The following LRMDA variants were observed in gnomAD, a reference collection of about 807,000 sequenced individuals.
LRMDA encodes leucine-rich melanocyte differentiation-associated protein.
Under a neutral mutation model 29.8 loss-of-function variants are expected in LRMDA, and 18 were observed. That is an observed-to-expected ratio of 0.60 (90% CI 0.42 to 0.90). LRMDA has a LOEUF of 0.90. Ranked by LOEUF, LRMDA falls within the 40% of genes least tolerant of loss-of-function variation. The pLI, the probability that LRMDA is intolerant of heterozygous loss-of-function variation, is 0.00. For missense variants in LRMDA, 273 were observed against 273.9 expected, an observed-to-expected ratio of 1.00 and a Z score of 0.02; for synonymous variants, 125 against 109.4, an observed-to-expected ratio of 1.14 and a Z score of -0.89.
At chr10:76,487,405 G>A (rs1483333968) in intron 6 of LRMDA, among the ~76,000 whole-genome samples, 1 of 151,800 alleles carries the variant, frequency 6.6e-6, no homozygotes, top group Non-Finnish European at 1.5e-5. Flanking sequence ...GAGGTAAGGA[G>A]GACACCTGGG....
rs117882171 is a variant in LRMDA at position 75,746,729 on chromosome 10, G to C, written c.132-289279G>C. Among the ~76,000 whole-genome samples the C allele has an allele frequency of 5.6e-3, 859 of 152,080 alleles. 4 individuals are homozygous for C. The highest frequency in any genetic ancestry group is 9.4e-3 in the Non-Finnish European group (642 of 67,994). On this transcript the variant is annotated intron_variant, in intron 2 of 6. Coordinates refer to ENST00000611255, the MANE Select transcript of LRMDA (RefSeq NM_001305581.2). ...GCGTGGGTAGAGAGTGCTATTTTTG[G>C]GGGGGGAGCTTATATTTTGACATGG...
chr10:75,926,561 AG>A (rs1846123484), intron 2 of LRMDA, among the ~76,000 whole-genome samples: 1 of 152,172 alleles, frequency 6.6e-6, no homozygotes, highest in Non-Finnish European at 1.5e-5. Context: ...GATTTTATGC[AG>A]TATACTATGA....
intron 6 of LRMDA, among the ~76,000 whole-genome samples, chr10:76,420,174 A>T: frequency 6.6e-6 from 1 of 151,978 alleles, no homozygotes; most frequent in East Asian, 1.9e-4. Flanking sequence ...ATTCATGGCT[A>T]AACTGTCTAG....
chr10:76,212,725 C>T (rs1851658560), intron 5 of LRMDA, among the ~76,000 whole-genome samples: 1 of 152,220 alleles, frequency 6.6e-6, no homozygotes. Flanking sequence ...CTGTGTACTA[C>T]ATTGTGGGGA....
At chr10:76,293,798 A>T (rs1840379322) in intron 5 of LRMDA, among the ~76,000 whole-genome samples, 1 of 152,320 alleles carries the variant, frequency 6.6e-6, no homozygotes, top group African/African-American at 2.4e-5. Flanking sequence ...ACCACCATCT[A>T]TTCCTCCCAT....
chr10:75,530,183 G>A (rs1198840227), intron 2 of LRMDA, among the ~76,000 whole-genome samples: 1 of 151,764 alleles, frequency 6.6e-6, no homozygotes, highest in Non-Finnish European at 1.5e-5. Flanking sequence ...AAAACCTTGA[G>A]AGAAACATGC....
At chr10:75,831,755 T>C (rs1204795924) in intron 2 of LRMDA, among the ~76,000 whole-genome samples, 1 of 152,164 alleles carries the variant, frequency 6.6e-6, no homozygotes, top group East Asian at 1.9e-4. Context: ...TCTTCTGAAA[T>C]CTAGGTGGAG....
chr10:75,773,371 TAAAG>T (rs2132236665), intron 2 of LRMDA, among the ~76,000 whole-genome samples: 1 of 152,232 alleles, frequency 6.6e-6, no homozygotes, highest in African/African-American at 2.4e-5. Flanking sequence ...GATGGGTTCT[TAAAG>T]AAAGCACAGC....
intron 6 of LRMDA, among the ~76,000 whole-genome samples, chr10:76,519,331 G>A (rs537703683): frequency 6.6e-6 from 1 of 152,094 alleles, no homozygotes; most frequent in Non-Finnish European, 1.5e-5. Flanking sequence ...CAAGGAACAA[G>A]GAGTTGAATG....
intron 2 of LRMDA, among the ~76,000 whole-genome samples, chr10:75,467,586 G>C (rs905566080): frequency 1.3e-5 from 2 of 152,148 alleles, no homozygotes; most frequent in Non-Finnish European, 2.9e-5. Flanking sequence ...TCCCCAACAA[G>C]TATCTAAAGT....
chr10:76,551,647 G>A (rs997372730), intron 6 of LRMDA, among the ~76,000 whole-genome samples: 2 of 152,118 alleles, frequency 1.3e-5, no homozygotes, highest in Non-Finnish European at 2.9e-5. Flanking sequence ...TAGGTTTATT[G>A]GGATGTAGCT....
intron 5 of LRMDA, among the ~76,000 whole-genome samples, chr10:76,107,777 T>C (rs1383694021): frequency 6.6e-6 from 1 of 152,194 alleles, no homozygotes; most frequent in African/African-American, 2.4e-5. Flanking sequence ...TTTGTGAAAC[T>C]TTAAGTTCTG....
intron 2 of LRMDA, among the ~76,000 whole-genome samples, chr10:75,551,442 A>G (rs1045282504): frequency 6.6e-6 from 1 of 152,018 alleles, no homozygotes; most frequent in Non-Finnish European, 1.5e-5. Flanking sequence ...TCATTAACCC[A>G]TCATCTACAT....
rs559837695 is a variant in LRMDA, at chr10:76,528,501, G to A, written c.602-28708G>A. Among the ~76,000 whole-genome samples the A allele has an allele frequency of 2.0e-5, 3 of 152,100 alleles. No individual in the cohort carries two copies. The South Asian group carries it at 6.2e-4, about 32-fold the overall frequency. On this transcript the variant is annotated intron_variant, in intron 6 of 6. Transcript: ENST00000611255. The stretch of plus-strand genomic sequence containing the variant: ...AGTTCTGGACAGTGGAATTATATAT[G>A]ATTTTTATTTTTTAAATTTACACTT...
At chr10:76,387,808 A>G (rs1841678223) in intron 6 of LRMDA, among the ~76,000 whole-genome samples, 1 of 152,192 alleles carries the variant, frequency 6.6e-6, no homozygotes, top group Non-Finnish European at 1.5e-5. Flanking sequence ...ACAAGTGGGG[A>G]AAAGTACTAA....
chr10:76,506,462 G>T (rs887483101), intron 6 of LRMDA, among the ~76,000 whole-genome samples: 2 of 152,086 alleles, frequency 1.3e-5, no homozygotes, highest in Non-Finnish European at 2.9e-5. Context: ...CTGTATCCCA[G>T]GAGGCTGGGG....
chr10:75,656,522 T>C (rs750562862), intron 2 of LRMDA, among the ~76,000 whole-genome samples: 2 of 152,198 alleles, frequency 1.3e-5, no homozygotes, highest in South Asian at 2.1e-4. Flanking sequence ...TTAAACTCTT[T>C]TGTAAGGCTG....
At chr10:75,585,506 C>T (rs181398791) in intron 2 of LRMDA, among the ~76,000 whole-genome samples, 10 of 152,178 alleles carry the variant, frequency 6.6e-5, no homozygotes, top group South Asian at 2.1e-4. Flanking sequence ...TGCTGAGGAG[C>T]GGAATTACTG....
chr10:75,810,899 A>T (rs1283971414), intron 2 of LRMDA, among the ~76,000 whole-genome samples: 1 of 152,204 alleles, frequency 6.6e-6, no homozygotes, highest in East Asian at 1.9e-4. Flanking sequence ...ACATCCTGTA[A>T]AGAATGTACT....
Sources: gnomAD v4.1 joint callset for allele counts (sites outside exome capture counted in the v4.1 genomes callset) on GRCh38, gnomAD v4.1.1 for gene constraint, MANE v1.5 for transcripts, NCBI Gene and HGNC (gene_info 2026-07-23, HGNC 2026-07-21) for gene names.